The following MED15 variants were observed in gnomAD, a reference collection of about 807,000 sequenced individuals.
The protein encoded by MED15 is mediator complex subunit 15.
A neutral mutation model predicts 118.7 loss-of-function variants in MED15; 41 were observed. That is an observed-to-expected ratio of 0.35 (90% confidence interval 0.27 to 0.45). MED15 has a LOEUF of 0.45. Ranked by LOEUF, MED15 falls within the 20% of genes least tolerant of loss-of-function variation. The pLI is 1.00. For synonymous variants in MED15, 436 were observed against 413.9 expected (o/e 1.05, Z -0.65); for missense variants, 740 against 1,025.5 (o/e 0.72, Z 3.80).
intron 2 of MED15, among the ~76,000 whole-genome samples, chr22:20,540,218 A>T (rs1018786616): frequency 1.1e-4 from 16 of 152,142 alleles, no homozygotes; most frequent in Non-Finnish European, 1.6e-4. Context: ...GGAAAGCCAC[A>T]TAAGGTTTTT....
intron 1 of MED15, among the ~76,000 whole-genome samples, chr22:20,526,696 T>A (rs2054657887): frequency 6.6e-6 from 1 of 152,176 alleles, no homozygotes; most frequent in African/African-American, 2.4e-5. Context: ...TCAGTTTCAG[T>A]TCAAACCCCT....
At chr22:20,582,480 C>A in intron 9 of MED15, 131 bp from the exon 10 acceptor site, 1 of 1,394,896 alleles carries the variant, frequency 7.2e-7, no homozygotes, top group Non-Finnish European at 9.7e-7. Context: ...GTCCAGGTGG[C>A]ATTTGGATGA....
At chr22:20,551,249 C>A in intron 2 of MED15, 187 bp from the exon 3 acceptor site, 2 of 726,818 alleles carry the variant, frequency 2.8e-6, no homozygotes, top group Middle Eastern at 4.6e-4. Flanking sequence ...CTGTTATTGG[C>A]CAGCCTAGCT....
At chr22:20,513,464 A>T (rs1246037993) in intron 1 of MED15, among the ~76,000 whole-genome samples, 1 of 151,850 alleles carries the variant, frequency 6.6e-6, no homozygotes, top group African/African-American at 2.4e-5. Context: ...TTTTTAGTAG[A>T]GACGGGGTTT....
intron 5 of MED15, among the ~76,000 whole-genome samples, chr22:20,562,197 T>C (rs911328184): frequency 2.6e-5 from 4 of 152,072 alleles, no homozygotes; most frequent in African/African-American, 9.7e-5. Flanking sequence ...TGAAGAAAGA[T>C]GTATTGGGCA....
intron 6 of MED15, among the ~76,000 whole-genome samples, chr22:20,565,333 A>C (rs989137408): frequency 6.6e-6 from 1 of 152,140 alleles, no homozygotes; most frequent in Non-Finnish European, 1.5e-5. Flanking sequence ...GCTTGGGACT[A>C]CTTGAGCCAT....
intron 17 of MED15, 77 bp from the exon 18 acceptor site, chr22:20,586,491 C>T: frequency 6.4e-7 from 1 of 1,570,848 alleles, no homozygotes; most frequent in Non-Finnish European, 8.6e-7. Flanking sequence ...GCTACCCCTT[C>T]CCAGAGCACT....
chr22:20,558,698 G>A (rs1159342513), intron 5 of MED15, among the ~76,000 whole-genome samples: 2 of 152,106 alleles, frequency 1.3e-5, no homozygotes, highest in Non-Finnish European at 2.9e-5. Flanking sequence ...CTGCAAGGTG[G>A]GGGAAGAAAG....
chr22:20,530,320 TGATA>T (rs1357252411), intron 1 of MED15, among the ~76,000 whole-genome samples: 3 of 152,098 alleles, frequency 2.0e-5, no homozygotes, highest in Non-Finnish European at 2.9e-5. Flanking sequence ...TTCACTTGAT[TGATA>T]GATGTTGTGT....
At chr22:20,535,652 C>T (rs994519665) in intron 1 of MED15, among the ~76,000 whole-genome samples, 4 of 151,298 alleles carry the variant, frequency 2.6e-5, no homozygotes, top group South Asian at 2.1e-4. Context: ...CTCCGCCTCC[C>T]GGGTTCATGC....
intron 11 of MED15, 57 bp downstream of exon 11, chr22:20,583,024 T>A (rs1170605217): frequency 5.1e-6 from 8 of 1,582,012 alleles, no homozygotes; most frequent in African/African-American, 1.3e-5. Flanking sequence ...CCTCAGCTCA[T>A]ACTGGGTGTG....
intron 1 of MED15, among the ~76,000 whole-genome samples, chr22:20,526,439 C>T (rs1448943190): frequency 6.6e-6 from 1 of 152,206 alleles, no homozygotes; most frequent in African/African-American, 2.4e-5. Context: ...CTCTGCTTCT[C>T]CTCCCTCATT....
rs1413434440 is a variant in MED15, at chr22:20,553,175, G to T, written c.238+1G>T. On this transcript the variant is annotated splice_donor_variant, in intron 4 of 17. Transcript: ENST00000263205. LOFTEE classifies it high-confidence loss of function. ...AAGAAATCTCAAGCTTCCGTCAGTG[G>T]TAAGAGTTTTCCCTTTTGAGTTAAA... 6.2e-7 allele frequency: 1 copy of T among 1,612,430 alleles called. No homozygotes were observed. The highest frequency in any genetic ancestry group is 1.3e-5 in the African/African-American group (1 of 74,866).
chr22:20,567,576 C>CACCTG (rs1443395577), intron 7 of MED15, among the ~76,000 whole-genome samples: 13 of 152,200 alleles, frequency 8.5e-5, no homozygotes, highest in Non-Finnish European at 8.8e-5. Flanking sequence ...ACTCATCTGT[C>CACCTG]ACCTGGGAGT....
At chr22:20,526,412 C>T (rs1353786994) in intron 1 of MED15, among the ~76,000 whole-genome samples, 1 of 152,142 alleles carries the variant, frequency 6.6e-6, no homozygotes, top group Non-Finnish European at 1.5e-5. Flanking sequence ...TCTGTAGCTC[C>T]CTTCCATCGC....
Position 20,555,074 on chromosome 22 carries a change from C to T in MED15, c.377C>T (p.Ser126Leu), listed in dbSNP as rs759968657. The T allele has an allele frequency of 6.2e-7, 1 of 1,612,750 alleles. No individual in the cohort carries two copies. The highest frequency in any genetic ancestry group is 1.7e-5 in the Admixed American group (1 of 59,970). ...GCCATGGGACAGCCAATGTCTCTCTCAGGGCAGCCGCCTCCTGGGACCTCG... is the reference window on the plus strand; with the variant it reads ...GCCATGGGACAGCCAATGTCTCTCTTAGGGCAGCCGCCTCCTGGGACCTCG... ...LGAMGQPMSL[S>L]GQPPPGTSGM... is the part of the protein sequence containing the mutation. Residue 126 changes from serine (S) to leucine (L), a missense_variant, in exon 5 of 18, where the codon TCA (serine) becomes TTA (leucine). By Grantham distance (145) the Ser-to-Leu change is moderately radical. Around this residue, in one of 7 missense-constraint regions of MED15, gnomAD observed 117 missense variants for 124.6 expected, o/e 0.94. Coordinates refer to ENST00000263205, the MANE Select transcript of MED15 (RefSeq NM_001003891.3).
Position 20,586,847 on chromosome 22 carries a change from A to G in MED15, c.*143A>G. On this transcript the variant is annotated 3_prime_UTR_variant, in exon 18 of 18. Transcript: ENST00000263205. ...TTATCTTCTGCCTTGGGGACCTGCC[A>G]AACGAAATCCCACACCTGTACAGAA... is the stretch of plus-strand genomic sequence containing the variant. 1 of 1,278,164 alleles carries G rather than the reference A, an allele frequency of 7.8e-7. No homozygotes were observed. The highest frequency in any genetic ancestry group is 1.5e-5 in the South Asian group (1 of 68,728). The allele number at this position is 1,278,164 out of a possible 1,614,324, so 79.2% of individuals were successfully genotyped here.
At position 20,584,717 on chromosome 22, in the gene MED15, TTGTC is replaced by T. The variant is rs749452747; in HGVS notation, c.1804-135_1804-132del. 208 of 1,115,186 alleles carry T rather than the reference TTGTC, an allele frequency of 1.9e-4. 1 individual carries two copies. The East Asian group carries it at 3.6e-3, about 20-fold the overall frequency. 69.1% of individuals were successfully genotyped at this position (1,115,186 alleles called of 1,614,324 possible). The stretch of plus-strand genomic sequence containing the variant: ...GGATTATTCCCAGGATCAGCCAACA[TTGTC>T]TGCACAAGGGTGGAGGCTGTGAGAG... On this transcript the variant is annotated intron_variant, in intron 14 of 17. Coordinates refer to ENST00000263205, the MANE Select transcript of MED15 (RefSeq NM_001003891.3).
chr22:20,565,198 G>T (rs1414072654), intron 6 of MED15, among the ~76,000 whole-genome samples: 1 of 152,242 alleles, frequency 6.6e-6, no homozygotes, highest in Non-Finnish European at 1.5e-5. Flanking sequence ...CACTAGGAAG[G>T]TTCTGTGATC....
Sources: allele counts gnomAD v4.1 joint callset (sites outside exome capture counted in the v4.1 genomes callset), GRCh38; gene constraint gnomAD v4.1.1; regional missense constraint gnomAD v4.1.1; transcripts MANE v1.5; gene names NCBI Gene and HGNC (gene_info 2026-07-23, HGNC 2026-07-21).